The following ADD3 variants were observed in gnomAD, a reference collection of about 807,000 sequenced individuals.
The protein encoded by ADD3 is gamma-adducin.
Under a neutral mutation model 80.2 loss-of-function variants are expected in ADD3, and 25 were observed. The ratio of observed to expected loss-of-function variants is 0.31; its 90% CI spans 0.23 to 0.44. The LOEUF is 0.44. Ranked by LOEUF, ADD3 falls within the 20% of genes least tolerant of loss-of-function variation. The probability of loss-of-function intolerance (pLI) is 1.00; values close to 1 mark genes in which losing one functional copy is unlikely to be tolerated. For synonymous variants in ADD3, 284 were observed against 289.6 expected (o/e 0.98, Z 0.20); for missense variants, 829 against 847.5 (o/e 0.98, Z 0.27).
chr10:109,998,660 C>T (rs1191966266), intron 1 of ADD3, among the ~76,000 whole-genome samples: 3 of 152,266 alleles, frequency 2.0e-5, no homozygotes, highest in African/African-American at 7.2e-5. Flanking sequence ...CTCCTTCAGT[C>T]ACAGTGTTTG....
intron 1 of ADD3, among the ~76,000 whole-genome samples, chr10:110,047,527 G>T (rs952402589): frequency 6.6e-6 from 1 of 152,158 alleles, no homozygotes; most frequent in African/African-American, 2.4e-5. Flanking sequence ...GTAGGTTGAG[G>T]CCTAGATAAT....
intron 12 of ADD3, among the ~76,000 whole-genome samples, chr10:110,129,150 C>CT (rs746835809): frequency 0.063 from 8,657 of 138,224 alleles, 389 homozygotes; most frequent in South Asian, 0.13. Context: ...TTCTTTCTTT[C>CT]TTTTTTTTTT....
intron 1 of ADD3, among the ~76,000 whole-genome samples, chr10:110,019,668 T>G (rs1170971838): frequency 6.6e-6 from 1 of 152,176 alleles, no homozygotes; most frequent in Non-Finnish European, 1.5e-5. Context: ...TTCTTTTATA[T>G]AAAATATGTG....
At chr10:110,084,041 TA>T (rs2058116533) in intron 1 of ADD3, among the ~76,000 whole-genome samples, 1 of 152,204 alleles carries the variant, frequency 6.6e-6, no homozygotes, top group South Asian at 2.1e-4. Flanking sequence ...ACTATAGAAC[TA>T]AGCTGTGAGT....
At chr10:110,026,223 G>C (rs1418747143) in intron 1 of ADD3, among the ~76,000 whole-genome samples, 1 of 151,508 alleles carries the variant, frequency 6.6e-6, no homozygotes, top group African/African-American at 2.4e-5. Flanking sequence ...CAATGAAAAG[G>C]AATAGTTTTA....
Position 110,036,997 on chromosome 10 carries a change from G to A in ADD3, c.-30+28698G>A, listed in dbSNP as rs80038450. On this transcript the variant is annotated intron_variant, in intron 1 of 14. Transcript: ENST00000356080. The stretch of plus-strand genomic sequence containing the variant: ...GCTTTTTGCTTCCCATAAGTGGTCA[G>A]GTTCTAATTTCTGAGGGTAAGAGAT... Among the ~76,000 whole-genome samples, 4 of 152,274 alleles carry A rather than the reference G, an allele frequency of 2.6e-5. No homozygotes were observed. The East Asian group carries it at 7.7e-4, about 29-fold the overall frequency.
intron 5 of ADD3, among the ~76,000 whole-genome samples, chr10:110,117,712 A>G (rs1293222437): frequency 6.6e-6 from 1 of 151,746 alleles, no homozygotes; most frequent in African/African-American, 2.4e-5. Context: ...GTGTAAAAAA[A>G]TTGTGTAAAA....
intron 1 of ADD3, among the ~76,000 whole-genome samples, chr10:110,023,552 G>A (rs1301181329): frequency 1.3e-5 from 2 of 152,274 alleles, no homozygotes; most frequent in East Asian, 3.9e-4. Context: ...ACTGAGGGTC[G>A]AAATCTAAAT....
upstream of ADD3, among the ~76,000 whole-genome samples, chr10:110,002,709 T>C (rs56960631): frequency 0.089 from 13,451 of 151,670 alleles, 1,906 homozygotes; most frequent in African/African-American, 0.31. Flanking sequence ...AGTTACCAAA[T>C]AGAAAATGAA....
chr10:110,043,372 A>G (rs1182232676), intron 1 of ADD3, among the ~76,000 whole-genome samples: 1 of 152,018 alleles, frequency 6.6e-6, no homozygotes, highest in Non-Finnish European at 1.5e-5. Flanking sequence ...TTTTTGTATG[A>G]CTTTCTATCT....
chr10:110,132,570 C>T, intron 14 of ADD3, 170 bp downstream of exon 14: 3 of 572,508 alleles, frequency 5.2e-6, no homozygotes, highest in Non-Finnish European at 9.2e-6. Context: ...TGGGGCGCTA[C>T]TTTTGTTCAG....
chr10:110,067,617 G>A (rs1488359862), intron 1 of ADD3, among the ~76,000 whole-genome samples: 1 of 152,196 alleles, frequency 6.6e-6, no homozygotes, highest in Non-Finnish European at 1.5e-5. Flanking sequence ...CATATTTAAA[G>A]TTGGAGTGAG....
At chr10:110,023,974 G>T (rs775647651) in intron 1 of ADD3, among the ~76,000 whole-genome samples, 2 of 152,156 alleles carry the variant, frequency 1.3e-5, no homozygotes, top group African/African-American at 4.8e-5. Flanking sequence ...TTGGGTACAC[G>T]TGGACATAAA....
intron 1 of ADD3, among the ~76,000 whole-genome samples, chr10:110,067,967 C>A (rs188153760): frequency 6.6e-6 from 1 of 151,984 alleles, no homozygotes; most frequent in Non-Finnish European, 1.5e-5. Context: ...TCCTAACTTT[C>A]TCTATACTGG....
intron 1 of ADD3, among the ~76,000 whole-genome samples, chr10:110,027,306 A>G (rs1854427932): frequency 1.3e-5 from 2 of 152,176 alleles, no homozygotes; most frequent in Admixed American, 1.3e-4. Flanking sequence ...CCTTTTGTAC[A>G]GGTTGAGTAG....
chr10:110,034,559 A>G (rs1185220786), intron 1 of ADD3, among the ~76,000 whole-genome samples: 7 of 152,114 alleles, frequency 4.6e-5, no homozygotes, highest in Non-Finnish European at 1.0e-4. Context: ...AAGGAAAACC[A>G]AAGATTTCAA....
intron 1 of ADD3, among the ~76,000 whole-genome samples, chr10:110,064,399 A>G (rs1387656875): frequency 6.6e-6 from 1 of 152,100 alleles, no homozygotes; most frequent in African/African-American, 2.4e-5. Context: ...CTTGATATTA[A>G]GTTTTTTGTT....
intron 1 of ADD3, among the ~76,000 whole-genome samples, chr10:110,066,915 C>T (rs1037596286): frequency 6.6e-6 from 1 of 152,056 alleles, no homozygotes; most frequent in Admixed American, 6.6e-5. Context: ...ATTTAGATCC[C>T]TCTTTTGCAC....
At chr10:110,029,394 C>G (rs1023911449) in intron 1 of ADD3, among the ~76,000 whole-genome samples, 40 of 152,200 alleles carry the variant, frequency 2.6e-4, no homozygotes, top group African/African-American at 9.4e-4. Context: ...GCATATTGTT[C>G]TTCTTCCGGC....
Sources: allele counts gnomAD v4.1 joint callset (sites outside exome capture counted in the v4.1 genomes callset), GRCh38; gene constraint gnomAD v4.1.1; transcripts MANE v1.5; gene names NCBI Gene and HGNC (gene_info 2026-07-23, HGNC 2026-07-21).